Variants in SLC26A4 observed in about 807,000 individuals in gnomAD.
SLC26A4 encodes pendrin.
SLC26A4 carries 93 observed loss-of-function variants against 90.4 expected under a neutral mutation model. The ratio of observed to expected loss-of-function variants is 1.03; its 90% confidence interval spans 0.87 to 1.22. The LOEUF (loss-of-function observed/expected upper bound fraction) is 1.22, where lower values mean the gene tolerates loss of function less well. Ranked by LOEUF, SLC26A4 falls within the 50% of genes most tolerant of loss-of-function variation. The pLI, the probability that SLC26A4 is intolerant of heterozygous loss-of-function variation, is 0.00. For synonymous variants in SLC26A4, 393 were observed against 354.6 expected, an observed-to-expected ratio of 1.11 and a Z score of -1.22; for missense variants, 1,127 against 946.2, an observed-to-expected ratio of 1.19 and a Z score of -2.51.
At chr7:107,693,586 G>A in intron 10 of SLC26A4, 1 of 985,510 alleles carries the variant, frequency 1.0e-6, no homozygotes, top group Non-Finnish European at 1.2e-6. Context: ...TGCCCCAGCT[G>A]TCTCAACAGA....
Position 107,715,764 on chromosome 7 carries a change from T to A in SLC26A4, c.*318T>A, listed in dbSNP as rs1328152527. On this transcript the variant is annotated 3_prime_UTR_variant, in exon 21 of 21. Coordinates refer to ENST00000644269, the MANE Select transcript of SLC26A4 (RefSeq NM_000441.2). ...ATCTCTGTTCAGTTAGAGTGAGTGC[T>A]GACCCAACAGCCTCTGTGGTCAAGC... 1 of 417,818 alleles carries A rather than the reference T, an allele frequency of 2.4e-6. No homozygotes were observed. Among genetic ancestry groups the A allele is most frequent in the Non-Finnish European group, 4.4e-6 (1 of 228,966 alleles). The allele number at this position is 417,818 out of a possible 1,614,324, so 25.9% of individuals were successfully genotyped here.
intron 4 of SLC26A4, among the ~76,000 whole-genome samples, chr7:107,673,563 C>T (rs1028082772): frequency 6.6e-6 from 1 of 152,134 alleles, no homozygotes; most frequent in Admixed American, 6.5e-5. Flanking sequence ...TGACAACTCT[C>T]ATCCCTGTCC....
intron 6 of SLC26A4, 72 bp from the exon 7 acceptor site, chr7:107,683,130 G>T: frequency 9.4e-7 from 1 of 1,058,614 alleles, no homozygotes; most frequent in Non-Finnish European, 1.4e-6. Flanking sequence ...AATTGATTGT[G>T]TGTGTGTGCG....
At chr7:107,702,499 G>C (rs1303216073) in intron 17 of SLC26A4, among the ~76,000 whole-genome samples, 1 of 151,952 alleles carries the variant, frequency 6.6e-6, no homozygotes, top group Non-Finnish European at 1.5e-5. Context: ...AGACCAGCCT[G>C]GCCAATATGG....
chr7:107,691,652 T>C (rs1447111885), intron 10 of SLC26A4, among the ~76,000 whole-genome samples: 1 of 152,152 alleles, frequency 6.6e-6, no homozygotes, highest in Non-Finnish European at 1.5e-5. Context: ...GTCCCCAATA[T>C]GCATGTGATG....
chr7:107,703,962 A>G (rs919025359), intron 17 of SLC26A4, among the ~76,000 whole-genome samples: 2 of 152,196 alleles, frequency 1.3e-5, no homozygotes, highest in African/African-American at 2.4e-5. Context: ...AGAGGCCTTG[A>G]CTTTTAGGTC....
At position 107,661,715 on chromosome 7, in the gene SLC26A4, C is replaced by CG; in HGVS notation, c.76dup (p.Val26GlyfsTer61). ...AGCTGCAGCTACATGGTGTCGCGGC[C>CG]GGTCTACAGCGAGCTCGCTTTCCAG... On this transcript the variant is annotated frameshift_variant, in exon 2 of 21. Coordinates refer to ENST00000644269, the MANE Select transcript of SLC26A4 (RefSeq NM_000441.2). LOFTEE classifies it high-confidence loss of function. This position sits in a 1 kb window ranked among gnomAD's most constrained non-coding sequence, Gnocchi z 5.1. 6.4e-7 allele frequency: 1 copy of CG among 1,563,384 alleles called. No individual in the cohort carries two copies. Among genetic ancestry groups the CG allele is most frequent in the South Asian group, 1.2e-5 (1 of 85,438 alleles).
At position 107,712,765 on chromosome 7, in the gene SLC26A4, A is replaced by G. The variant is rs1792226986; in HGVS notation, c.2319+143A>G. 5 of 652,972 alleles carry G rather than the reference A, an allele frequency of 7.7e-6. No individual in the cohort carries two copies. In the Middle Eastern group the frequency reaches 1.2e-3, roughly 158 times the overall value. The allele number at this position is 652,972 out of a possible 1,614,324, so 40.4% of individuals were successfully genotyped here. On this transcript the variant is annotated intron_variant, in intron 20 of 20. Coordinates refer to ENST00000644269, the MANE Select transcript of SLC26A4 (RefSeq NM_000441.2). ...GAAAAGATGGCTTCATAGCAGGGAA[A>G]AAGAGAAAATAAGAATTCTCCCTTG...
chr7:107,709,462 G>A (rs879226759), intron 18 of SLC26A4, among the ~76,000 whole-genome samples: 1 of 152,100 alleles, frequency 6.6e-6, no homozygotes, highest in African/African-American at 2.4e-5. Flanking sequence ...TATAAAGATG[G>A]GGTTTCACCA....
At chr7:107,675,299 A>G (rs1349079181) in intron 6 of SLC26A4, among the ~76,000 whole-genome samples, 190 bp downstream of exon 6, 1 of 150,186 alleles carries the variant, frequency 6.7e-6, no homozygotes, top group Non-Finnish European at 1.5e-5. Flanking sequence ...AAAAAAAAAA[A>G]AAAAAAAGAA....
At chr7:107,667,022 T>G (rs986406501) in intron 3 of SLC26A4, among the ~76,000 whole-genome samples, 20 of 152,162 alleles carry the variant, frequency 1.3e-4, no homozygotes, top group Non-Finnish European at 2.5e-4. Context: ...CACTGATGCC[T>G]CCAAGGTTGT....
intron 18 of SLC26A4, among the ~76,000 whole-genome samples, chr7:107,709,063 G>A (rs1161060736): frequency 6.6e-6 from 1 of 152,182 alleles, no homozygotes; most frequent in Non-Finnish European, 1.5e-5. Flanking sequence ...AGCAGTGAGG[G>A]GAGCAGGATA....
At chr7:107,684,019 T>C (rs1168154953) in intron 8 of SLC26A4, among the ~76,000 whole-genome samples, 1 of 152,226 alleles carries the variant, frequency 6.6e-6, no homozygotes, top group Non-Finnish European at 1.5e-5. Flanking sequence ...ATTTGGTAGT[T>C]TGGTGAATTA....
At chr7:107,692,317 T>C (rs962957408) in intron 10 of SLC26A4, among the ~76,000 whole-genome samples, 3 of 152,210 alleles carry the variant, frequency 2.0e-5, no homozygotes, top group Admixed American at 6.5e-5. Context: ...CAGGGACTGA[T>C]GGACAAATAA....
rs746046215 is a variant in SLC26A4 at position 107,694,454 on chromosome 7, G to A, written c.1315G>A (p.Gly439Arg). The A allele has an allele frequency of 3.0e-5, 48 of 1,613,662 alleles. No homozygotes were observed. The highest frequency in any genetic ancestry group is 8.9e-5 in the East Asian group (4 of 44,872). Residue 439 changes from glycine to arginine, a missense_variant, in exon 11 of 21, where the codon GGG becomes AGG. Coordinates refer to ENST00000644269, the MANE Select transcript of SLC26A4 (RefSeq NM_000441.2). Reference sequence around the variant, plus strand: ...TGTGATGATCGCCATTCTTGCCCTGGGGAAGCTTCTGGAACCCTTGCAGAA... The same window carrying A: ...TGTGATGATCGCCATTCTTGCCCTGAGGAAGCTTCTGGAACCCTTGCAGAA... Reference protein sequence around the residue: ...AIVMIAILALGKLLEPLQKSV... With the variant: ...AIVMIAILALRKLLEPLQKSV...
chr7:107,693,610 A>G lies in SLC26A4; in HGVS notation c.1264-793A>G, dbSNP rs1460074299. On this transcript the variant is annotated intron_variant, in intron 10 of 20. Coordinates refer to ENST00000644269, the MANE Select transcript of SLC26A4 (RefSeq NM_000441.2). ...TGTCTCAACAGAGAATTCATTGGTC[A>G]TCTAATCAAACGAGAGAGTAGTCCC... 11 of 985,540 alleles carry G rather than the reference A, an allele frequency of 1.1e-5. No homozygotes were observed. In the East Asian group the frequency reaches 6.8e-4, roughly 61 times the overall value. The allele number at this position is 985,540 out of a possible 1,614,324, so 61.0% of individuals were successfully genotyped here. A position where few individuals can be genotyped will look rare whatever the true frequency, so the allele number is the denominator to read the frequency against.
chr7:107,663,178 C>T, intron 2 of SLC26A4, 118 bp from the exon 3 acceptor site: 4 of 1,187,978 alleles, frequency 3.4e-6, no homozygotes, highest in Non-Finnish European at 5.0e-6. Flanking sequence ...CCAGGAAATA[C>T]TTATCCTTTT....
At position 107,674,197 on chromosome 7, in the gene SLC26A4, C is replaced by G. The variant is rs1483906615; in HGVS notation, c.449C>G (p.Ser150Cys). The change falls in exon 5 of 21, where the codon TCT becomes TGT. Residue 150 changes from serine (S) to cysteine (C), a missense_variant. Coordinates refer to ENST00000644269, the MANE Select transcript of SLC26A4 (RefSeq NM_000441.2). ...PFPVVSLMVGSVVLSMAPDEH... is the reference protein window; with the variant it reads ...PFPVVSLMVGCVVLSMAPDEH... ...CCAGTGGTGAGTTTAATGGTGGGAT[C>G]TGTTGTTCTGAGCATGGCCCCCGAC... 1.2e-6 allele frequency: 2 copies of G among 1,613,972 alleles called. No homozygotes were observed. Among genetic ancestry groups the G allele is most frequent in the Non-Finnish European group, 1.7e-6 (2 of 1,180,022 alleles).
intron 6 of SLC26A4, among the ~76,000 whole-genome samples, chr7:107,680,300 A>T (rs1266666425): frequency 8.3e-5 from 3 of 36,160 alleles, no homozygotes; most frequent in South Asian, 9.9e-4. Flanking sequence ...CTTATTATAT[A>T]ATATAATCTT....
Sources: allele counts gnomAD v4.1 joint callset (sites outside exome capture counted in the v4.1 genomes callset), GRCh38; gene constraint gnomAD v4.1.1; non-coding constraint Gnocchi (gnomAD v3.1); transcripts MANE v1.5; gene names NCBI Gene and HGNC (gene_info 2026-07-23, HGNC 2026-07-21).